Variants in AUTS2 observed in about 807,000 individuals in gnomAD.
The protein encoded by AUTS2 is autism susceptibility gene 2 protein.
A neutral mutation model predicts 112.4 loss-of-function variants in AUTS2; 17 were observed. The observed-to-expected ratio is 0.15, with a 90% CI of 0.10 to 0.23. AUTS2 has a LOEUF of 0.23. Ranked by LOEUF, AUTS2 falls within the 10% of genes least tolerant of loss-of-function variation. The probability of loss-of-function intolerance (pLI) is 1.00; values close to 1 mark genes in which losing one functional copy is unlikely to be tolerated. For missense variants in AUTS2, 1,510 were observed against 1,701.6 expected, an observed-to-expected ratio of 0.89 and a Z score of 1.98; for synonymous variants, 751 against 702.7, an observed-to-expected ratio of 1.07 and a Z score of -1.09.
At chr7:70,619,429 C>G (rs888580245) in intron 5 of AUTS2, among the ~76,000 whole-genome samples, 44 of 152,086 alleles carry the variant, frequency 2.9e-4, no homozygotes, top group Admixed American at 2.9e-3. Flanking sequence ...GCCTGCCATG[C>G]TCTTCATGCT....
chr7:70,445,474 G>A (rs1457938046), intron 5 of AUTS2, among the ~76,000 whole-genome samples: 1 of 152,072 alleles, frequency 6.6e-6, no homozygotes, highest in African/African-American at 2.4e-5. Flanking sequence ...CAAACATGGC[G>A]GTTTCTCAAG....
chr7:70,149,547 A>G (rs1369543172), intron 4 of AUTS2, among the ~76,000 whole-genome samples: 1 of 152,076 alleles, frequency 6.6e-6, no homozygotes, highest in African/African-American at 2.4e-5. Flanking sequence ...TCATGAATAA[A>G]CATAACCAAC....
chr7:69,876,342 AAAAAAAAATATAT>A (rs1793748792), intron 1 of AUTS2, among the ~76,000 whole-genome samples: 7 of 87,928 alleles, frequency 8.0e-5, no homozygotes, highest in African/African-American at 1.8e-4. Flanking sequence ...AAAAAAAAAA[AAAAAAAAATATAT>A]ATATATATAT....
chr7:70,699,387 A>T (rs1229913824), intron 6 of AUTS2: 2 of 152,248 alleles, frequency 1.3e-5, no homozygotes, highest in East Asian at 1.9e-4. Flanking sequence ...CTAAGTAAAG[A>T]TGTGCTTTCT....
At chr7:70,050,243 G>C (rs1167073791) in intron 2 of AUTS2, among the ~76,000 whole-genome samples, 1 of 149,566 alleles carries the variant, frequency 6.7e-6, no homozygotes, top group Non-Finnish European at 1.5e-5. Context: ...TGTAGTCCCA[G>C]CTACTCAGGA....
intron 1 of AUTS2, among the ~76,000 whole-genome samples, chr7:69,897,653 G>C (rs1427510108): frequency 6.6e-6 from 1 of 152,124 alleles, no homozygotes; most frequent in Non-Finnish European, 1.5e-5. Flanking sequence ...AGCTACTCGG[G>C]AGGCTGAGGC....
chr7:69,829,206 T>C (rs909935338), intron 1 of AUTS2, among the ~76,000 whole-genome samples: 1 of 152,176 alleles, frequency 6.6e-6, no homozygotes, highest in Non-Finnish European at 1.5e-5. Flanking sequence ...AAACTGAAAC[T>C]GAACCCTTTC....
Position 69,995,302 on chromosome 7 carries a change from A to G in AUTS2, c.522+95804A>G, listed in dbSNP as rs552328016. 1.3e-4 allele frequency among the ~76,000 whole-genome samples: 20 copies of G among 152,336 alleles called. No homozygotes were observed. In the South Asian group the frequency reaches 4.1e-3, roughly 32 times the overall value. On this transcript the variant is annotated intron_variant, in intron 2 of 18. Transcript: ENST00000342771. ...TTTATATAAAAGCAACTAGGGTTGG[A>G]TCTGAAATAAATGTCATGAATGAAT...
At chr7:70,260,347 CAG>C (rs1787101818) in intron 4 of AUTS2, among the ~76,000 whole-genome samples, 1 of 151,758 alleles carries the variant, frequency 6.6e-6, no homozygotes, top group South Asian at 2.1e-4. Flanking sequence ...GCCTGGGTGA[CAG>C]AGCAAGACTC....
chr7:70,597,134 G>A (rs1803248636), intron 5 of AUTS2, among the ~76,000 whole-genome samples: 1 of 152,210 alleles, frequency 6.6e-6, no homozygotes, highest in Admixed American at 6.5e-5. Context: ...TGAAATGAAT[G>A]TGAGTGCCTT....
At chr7:70,409,943 C>T (rs935095642) in intron 4 of AUTS2, among the ~76,000 whole-genome samples, 1 of 152,136 alleles carries the variant, frequency 6.6e-6, no homozygotes, top group African/African-American at 2.4e-5. Flanking sequence ...CTCTGACCCA[C>T]GCACTTGAAC....
At chr7:70,720,407 G>T (rs567850680) in intron 6 of AUTS2, among the ~76,000 whole-genome samples, 1 of 152,098 alleles carries the variant, frequency 6.6e-6, no homozygotes, top group Non-Finnish European at 1.5e-5. Context: ...ATTATGCAGC[G>T]GGGGAAGAAG....
chr7:70,268,121 G>A (rs78708839), intron 4 of AUTS2, among the ~76,000 whole-genome samples: 5,906 of 152,242 alleles, frequency 0.039, 176 homozygotes, highest in Non-Finnish European at 0.063. Context: ...ACTGTGTTTC[G>A]TTACCAACTC....
intron 5 of AUTS2, among the ~76,000 whole-genome samples, chr7:70,465,502 A>G (rs752676130): frequency 6.6e-6 from 1 of 152,208 alleles, no homozygotes; most frequent in African/African-American, 2.4e-5. Context: ...GTAGCTTACA[A>G]CCTGGCCTCT....
chr7:70,097,634 C>T (rs1268233917), intron 2 of AUTS2, among the ~76,000 whole-genome samples: 2 of 152,200 alleles, frequency 1.3e-5, no homozygotes, highest in African/African-American at 4.8e-5. Context: ...GTATTCTATA[C>T]ATTGTCAACC....
chr7:69,861,788 C>T (rs555421360), intron 1 of AUTS2, among the ~76,000 whole-genome samples: 2 of 152,296 alleles, frequency 1.3e-5, no homozygotes, highest in African/African-American at 4.8e-5. Context: ...AGTGTGGTTT[C>T]CTCACATTCT....
intron 4 of AUTS2, among the ~76,000 whole-genome samples, chr7:70,257,909 C>A (rs961589181): frequency 6.6e-6 from 1 of 152,138 alleles, no homozygotes; most frequent in Non-Finnish European, 1.5e-5. Flanking sequence ...CACTCATCCC[C>A]GACAGGGATT....
chr7:70,413,445 A>C (rs958373324), intron 4 of AUTS2, among the ~76,000 whole-genome samples: 7 of 152,184 alleles, frequency 4.6e-5, no homozygotes, highest in African/African-American at 1.7e-4. Flanking sequence ...AAGCTCTGTG[A>C]AAACAAGTAG....
At chr7:70,591,904 A>T (rs1254868397) in intron 5 of AUTS2, among the ~76,000 whole-genome samples, 1 of 152,214 alleles carries the variant, frequency 6.6e-6, no homozygotes, top group Non-Finnish European at 1.5e-5. Flanking sequence ...CCAGACATGT[A>T]GAAACAAACC....
Sources: allele counts gnomAD v4.1 joint callset (sites outside exome capture counted in the v4.1 genomes callset), GRCh38; gene constraint gnomAD v4.1.1; transcripts MANE v1.5; gene names NCBI Gene and HGNC (gene_info 2026-07-23, HGNC 2026-07-21).